The following SETD2 variants were observed in gnomAD, a reference collection of about 807,000 sequenced individuals.
The protein encoded by SETD2 is SET domain containing 2, histone lysine methyltransferase.
SETD2 carries 31 observed loss-of-function variants against 242.1 expected under a neutral mutation model. The ratio of observed to expected loss-of-function variants is 0.13; its 90% CI spans 0.10 to 0.17. The LOEUF is 0.17. SETD2 is among the 10% of genes least tolerant of loss of function. The pLI is 1.00. For missense variants in SETD2, 2,481 were observed against 3,046.3 expected, an observed-to-expected ratio of 0.81 and a Z score of 4.37; for synonymous variants, 1,006 against 1,066.5, an observed-to-expected ratio of 0.94 and a Z score of 1.11.
intron 9 of SETD2, among the ~76,000 whole-genome samples, chr3:47,090,805 G>A (rs1424268846): frequency 2.0e-5 from 3 of 152,190 alleles, no homozygotes; most frequent in Non-Finnish European, 4.4e-5. Context: ...TGAAAGTCTA[G>A]AATGAAATGA....
chr3:47,076,871 C>T (rs1044568624), intron 12 of SETD2, among the ~76,000 whole-genome samples: 1 of 152,186 alleles, frequency 6.6e-6, no homozygotes, highest in Non-Finnish European at 1.5e-5. Flanking sequence ...ATTACTTTCT[C>T]TATCATACAC....
chr3:47,086,057 T>C (rs931097851), intron 11 of SETD2, 138 bp downstream of exon 11: 2 of 890,058 alleles, frequency 2.2e-6, no homozygotes, highest in Non-Finnish European at 3.4e-6. Flanking sequence ...GGAATGATAC[T>C]GAGATGAAAA....
chr3:47,140,297 T>G (rs1180956368), intron 1 of SETD2, among the ~76,000 whole-genome samples: 13 of 152,346 alleles, frequency 8.5e-5, no homozygotes. Flanking sequence ...TATTCACCTG[T>G]TAAAGCCATC....
chr3:47,064,889 G>C (rs1559681495), intron 13 of SETD2, among the ~76,000 whole-genome samples: 1 of 151,480 alleles, frequency 6.6e-6, no homozygotes. Flanking sequence ...GGTTCTACAT[G>C]TGAAAGAGAG....
chr3:47,123,026 A>G lies in SETD2; in HGVS notation c.1610T>C (p.Leu537Pro), dbSNP rs753117350. The change falls in exon 3 of 21, where the codon CTG becomes CCG. Residue 537 changes from leucine to proline, a missense_variant. Around this residue, in one of 17 missense-constraint regions of SETD2, gnomAD observed 1,300 missense variants for 1,259.2 expected, o/e 1.03. Transcript: ENST00000409792. Reference protein sequence around the residue: ...IKRCCSPPNELGFRRGSSYSK... With the variant: ...IKRCCSPPNEPGFRRGSSYSK... ...ATATGATGACCCTCGTCGGAATCCC[A>G]GTTCATTAGGGGGAGAACAACATCT... 1.2e-6 allele frequency: 2 copies of G among 1,614,124 alleles called. No individual in the cohort carries two copies. Among genetic ancestry groups the G allele is most frequent in the Non-Finnish European group, 1.7e-6 (2 of 1,179,948 alleles).
At chr3:47,102,650 T>C (rs1353074696) in intron 7 of SETD2, among the ~76,000 whole-genome samples, 3 of 151,450 alleles carry the variant, frequency 2.0e-5, no homozygotes, top group South Asian at 4.2e-4. Flanking sequence ...AAAAATTAGC[T>C]GGACGTGATG....
At chr3:47,106,526 A>AAC (rs1559726485) in intron 5 of SETD2, among the ~76,000 whole-genome samples, 4 of 133,262 alleles carry the variant, frequency 3.0e-5, no homozygotes, top group African/African-American at 1.1e-4. Flanking sequence ...AAAAAAAAAA[A>AAC]GGCAGCCGGG....
intron 15 of SETD2, among the ~76,000 whole-genome samples, chr3:47,056,094 T>TTTATTTA (rs2040063473): frequency 4.9e-4 from 57 of 116,422 alleles, no homozygotes; most frequent in African/African-American, 1.8e-3. Context: ...AAAACATGAT[T>TTTATTTA]TTTATTTATT....
chr3:47,072,807 C>G (rs2040881798), intron 12 of SETD2, among the ~76,000 whole-genome samples: 1 of 151,718 alleles, frequency 6.6e-6, no homozygotes, highest in African/African-American at 2.4e-5. Context: ...ATTAGCTGTG[C>G]GTGGTGGCGG....
rs1179217213 is a variant in SETD2 at position 47,147,882 on chromosome 3, C to G, written c.71+15972G>C. ...AGCTTGCAGTGAGCAAACACCACTG[C>G]ACGCCAGCCTGGGCGACAGAGCAAG... On this transcript the variant is annotated intron_variant, in intron 1 of 20. Transcript: ENST00000409792. Among the ~76,000 whole-genome samples, 4 of 136,122 alleles carry G rather than the reference C, an allele frequency of 2.9e-5. No homozygotes were observed. The East Asian group carries it at 8.7e-4, about 30-fold the overall frequency. 89.3% of individuals were successfully genotyped at this position (136,122 alleles called of 152,430 possible).
intron 8 of SETD2, 72 bp downstream of exon 8, chr3:47,101,386 G>T: frequency 2.5e-6 from 2 of 798,044 alleles, no homozygotes; most frequent in Non-Finnish European, 4.1e-6. Flanking sequence ...TTATATTAAA[G>T]TTTTATATCC....
chr3:47,149,907 G>C (rs2043943620), intron 1 of SETD2, among the ~76,000 whole-genome samples: 1 of 151,670 alleles, frequency 6.6e-6, no homozygotes, highest in Non-Finnish European at 1.5e-5. Context: ...TTAGAAAACT[G>C]AATTTTTTTG....
At chr3:47,086,711 C>A (rs2041573478) in intron 10 of SETD2, among the ~76,000 whole-genome samples, 1 of 151,418 alleles carries the variant, frequency 6.6e-6, no homozygotes, top group Non-Finnish European at 1.5e-5. Context: ...TTGAAAAGAC[C>A]TCTTTTTCCT....
Position 47,120,860 on chromosome 3 carries a change from C to A in SETD2, c.3776G>T (p.Gly1259Val), listed in dbSNP as rs779260778. 6.2e-7 allele frequency: 1 copy of A among 1,614,210 alleles called. No homozygotes were observed. Among genetic ancestry groups the A allele is most frequent in the Admixed American group, 1.7e-5 (1 of 60,026 alleles). The change falls in exon 3 of 21, where the codon GGT (glycine) becomes GTT (valine). Residue 1259 changes from glycine (G) to valine (V), a missense_variant. Physicochemically the swap from Gly to Val is moderately radical, Grantham distance 109. Around this residue, in one of 17 missense-constraint regions of SETD2, gnomAD observed 1,300 missense variants for 1,259.2 expected, o/e 1.03. Coordinates refer to ENST00000409792, the MANE Select transcript of SETD2 (RefSeq NM_014159.7). ...AGGCTTTTCTTGAGAGAAGTCCCAA[C>A]CTAAGTTTCTGAGCTCTTCTGATGA... ...LHSSEELRNL[G>V]WDFSQEKPST... is the part of the protein sequence containing the mutation.
chr3:47,134,460 C>T (rs1450291015), intron 1 of SETD2, among the ~76,000 whole-genome samples: 1 of 152,106 alleles, frequency 6.6e-6, no homozygotes, highest in Non-Finnish European at 1.5e-5. Flanking sequence ...TGGTCATACA[C>T]ATTTGCAAAC....
intron 10 of SETD2, among the ~76,000 whole-genome samples, chr3:47,087,321 T>C (rs1392173921): frequency 1.3e-5 from 2 of 151,976 alleles, no homozygotes; most frequent in African/African-American, 2.4e-5. Context: ...TCAGGGAAGA[T>C]AATTTTTCAA....
At chr3:47,047,996 C>A (rs1242381225) in intron 15 of SETD2, among the ~76,000 whole-genome samples, 2 of 152,112 alleles carry the variant, frequency 1.3e-5, no homozygotes, top group Non-Finnish European at 2.9e-5. Flanking sequence ...AGGCTACAAA[C>A]CTGTACAGCA....
chr3:47,046,697 C>A (rs757949918), intron 15 of SETD2, 76 bp from the exon 16 acceptor site: 2 of 1,385,100 alleles, frequency 1.4e-6, no homozygotes, highest in African/African-American at 1.4e-5. Flanking sequence ...CAAGTTGGCA[C>A]AATCTTAAAG....
At position 47,111,079 on chromosome 3, in the gene SETD2, T is replaced by TAAAAAAAAAAA. The variant is rs10672755; in HGVS notation, c.4715+2786_4715+2796dup. Among the ~76,000 whole-genome samples the TAAAAAAAAAAA allele has an allele frequency of 6.3e-5, 5 of 78,800 alleles. 1 individual carries two copies. The highest frequency in any genetic ancestry group is 1.1e-4 in the Non-Finnish European group (5 of 44,128). The allele number at this position is 78,800 out of a possible 152,430, so 51.7% of individuals were successfully genotyped here. On this transcript the variant is annotated intron_variant, in intron 5 of 20. Coordinates refer to ENST00000409792, the MANE Select transcript of SETD2 (RefSeq NM_014159.7). ...GCTTGTGTCCAAACTGTGGTTCCTTTAAAAAAAAAAAAAAAAAAAAAAAAA... is the reference window on the plus strand; with the variant it reads ...GCTTGTGTCCAAACTGTGGTTCCTTTAAAAAAAAAAAAAAAAAAAAAAAAAAAAAAAAAAAA...
Sources: allele counts gnomAD v4.1 joint callset (sites outside exome capture counted in the v4.1 genomes callset), GRCh38; gene constraint gnomAD v4.1.1; regional missense constraint gnomAD v4.1.1; transcripts MANE v1.5; gene names NCBI Gene and HGNC (gene_info 2026-07-23, HGNC 2026-07-21).